PPM1H: variants seen among roughly 807,000 people sequenced by gnomAD.
PPM1H encodes protein phosphatase, Mg2+/Mn2+ dependent 1H, also known as protein phosphatase 1H.
PPM1H carries 27 observed loss-of-function variants against 54.9 expected under a neutral mutation model. The observed-to-expected ratio is 0.49, with a 90% CI of 0.36 to 0.68. The LOEUF is 0.68. Ranked by LOEUF, PPM1H falls within the 30% of genes least tolerant of loss-of-function variation. The pLI, the probability that PPM1H is intolerant of heterozygous loss-of-function variation, is 0.00. For missense variants in PPM1H, 596 were observed against 667.8 expected (o/e 0.89, Z 1.19); for synonymous variants, 305 against 270.8 (o/e 1.13, Z -1.24).
Position 62,913,767 on chromosome 12 carries a change from C to T in PPM1H, c.245+20725G>A, listed in dbSNP as rs557416137. Reference sequence around the variant, plus strand: ...CCAGGCTGGCGTGCAGTGGTTTAATCTCGGCTCACTGCAACCTCCGCCTCC... The same window carrying T: ...CCAGGCTGGCGTGCAGTGGTTTAATTTCGGCTCACTGCAACCTCCGCCTCC... On this transcript the variant is annotated intron_variant, in intron 1 of 9. Transcript: ENST00000228705. Among the ~76,000 whole-genome samples, 197 of 152,248 alleles carry T rather than the reference C, an allele frequency of 1.3e-3. 2 individuals are homozygous for T. Among genetic ancestry groups the T allele is most frequent in the African/African-American group, 4.6e-3 (190 of 41,544 alleles).
At chr12:62,749,253 T>G (rs1475313856) in intron 4 of PPM1H, among the ~76,000 whole-genome samples, 1 of 152,114 alleles carries the variant, frequency 6.6e-6, no homozygotes, top group Admixed American at 6.5e-5. Context: ...ATGCCCTGAT[T>G]CCATTACACA....
intron 1 of PPM1H, among the ~76,000 whole-genome samples, chr12:62,865,185 C>G (rs1461024630): frequency 6.6e-6 from 1 of 152,156 alleles, no homozygotes; most frequent in East Asian, 1.9e-4. Context: ...AAGAAGGTGT[C>G]CTTTCATTTT....
At chr12:62,767,231 C>CATAA (rs2076549413) in intron 4 of PPM1H, among the ~76,000 whole-genome samples, 1 of 152,022 alleles carries the variant, frequency 6.6e-6, no homozygotes, top group Non-Finnish European at 1.5e-5. Context: ...GCTGTAGGTG[C>CATAA]ATAAGATGGC....
At chr12:62,832,814 T>G (rs1239729618) in intron 1 of PPM1H, among the ~76,000 whole-genome samples, 1 of 152,082 alleles carries the variant, frequency 6.6e-6, no homozygotes, top group East Asian at 1.9e-4. Flanking sequence ...GGCAAGCAAA[T>G]GGGTCAAAGG....
chr12:62,816,312 C>T (rs1013111467), intron 2 of PPM1H, among the ~76,000 whole-genome samples: 1 of 152,200 alleles, frequency 6.6e-6, no homozygotes, highest in Non-Finnish European at 1.5e-5. Flanking sequence ...AGTTTGGGCA[C>T]TCCTAATCCA....
At chr12:62,870,890 T>A (rs568866848) in intron 1 of PPM1H, among the ~76,000 whole-genome samples, 3 of 152,160 alleles carry the variant, frequency 2.0e-5, no homozygotes, top group Non-Finnish European at 4.4e-5. Context: ...CTGGGCTGGG[T>A]ATTATAAAAA....
At chr12:62,695,660 G>T (rs929523225) in intron 6 of PPM1H, among the ~76,000 whole-genome samples, 4 of 152,098 alleles carry the variant, frequency 2.6e-5, no homozygotes, top group Non-Finnish European at 5.9e-5. Flanking sequence ...GCTATTATTA[G>T]AAGAATTTGG....
chr12:62,901,082 G>A (rs1389261145), intron 1 of PPM1H, among the ~76,000 whole-genome samples: 2 of 152,136 alleles, frequency 1.3e-5, no homozygotes, highest in African/African-American at 4.8e-5. Context: ...CCATGTAGCC[G>A]GATACATTTT....
At chr12:62,746,489 G>C (rs1324879819) in intron 4 of PPM1H, among the ~76,000 whole-genome samples, 2 of 152,214 alleles carry the variant, frequency 1.3e-5, no homozygotes, top group African/African-American at 2.4e-5. Flanking sequence ...CTACCACCAC[G>C]GACTGCCAGA....
intron 5 of PPM1H, among the ~76,000 whole-genome samples, chr12:62,730,793 A>G (rs1265242651): frequency 1.3e-5 from 2 of 152,232 alleles, no homozygotes; most frequent in Non-Finnish European, 2.9e-5. Context: ...TCAAGAATGA[A>G]ATGAAATTAA....
At chr12:62,788,377 A>G (rs983456011) in intron 3 of PPM1H, 39 bp from the exon 4 acceptor site, 1 of 1,282,806 alleles carries the variant, frequency 7.8e-7, no homozygotes, top group Admixed American at 2.0e-5. Context: ...ATTGTGCAGG[A>G]TGTGTAGCAA....
intron 4 of PPM1H, among the ~76,000 whole-genome samples, chr12:62,763,524 A>G (rs765437438): frequency 1.3e-5 from 2 of 152,218 alleles, no homozygotes; most frequent in Non-Finnish European, 2.9e-5. Context: ...TCAAAGTACA[A>G]CACAAATTGC....
chr12:62,887,075 A>G (rs1308662790), intron 1 of PPM1H, among the ~76,000 whole-genome samples: 2 of 152,244 alleles, frequency 1.3e-5, no homozygotes, highest in African/African-American at 4.8e-5. Flanking sequence ...AAGAAGCTGT[A>G]TACAAGGACT....
At position 62,934,331 on chromosome 12, in the gene PPM1H, G is replaced by C. The variant is rs546899323; in HGVS notation, c.245+161C>G. On this transcript the variant is annotated intron_variant, in intron 1 of 9. Coordinates refer to ENST00000228705, the MANE Select transcript of PPM1H (RefSeq NM_020700.2). The surrounding 1 kb of genome is among the most constrained non-coding windows in gnomAD (Gnocchi z 4.2). The stretch of plus-strand genomic sequence containing the variant: ...CTGGGGGAAGAGGGAGTGGGGAGAA[G>C]AGGGAAATGGCCAGTGTAAGTAAAG... Among the ~76,000 whole-genome samples the C allele has an allele frequency of 6.6e-5, 10 of 152,330 alleles. No homozygotes were observed. Among genetic ancestry groups the C allele is most frequent in the African/African-American group, 2.4e-4 (10 of 41,578 alleles).
intron 6 of PPM1H, among the ~76,000 whole-genome samples, chr12:62,704,199 C>T (rs1046093088): frequency 6.6e-6 from 1 of 152,130 alleles, no homozygotes; most frequent in Non-Finnish European, 1.5e-5. Context: ...TGCTTAACAA[C>T]AGCAGGCTCA....
intron 6 of PPM1H, among the ~76,000 whole-genome samples, chr12:62,696,965 T>A (rs2120360142): frequency 6.6e-6 from 1 of 152,288 alleles, no homozygotes; most frequent in Admixed American, 6.5e-5. Flanking sequence ...GGTGACCAGC[T>A]GATATCTGAT....
At position 62,801,907 on chromosome 12, in the gene PPM1H, G is replaced by A; in HGVS notation, c.665C>T (p.Pro222Leu). ...LRGGVGAPGS[P>L]STPPTRFFTE... is the part of the protein sequence containing the mutation. ...AAAGAAGCGTGTGGGGGGCGTGCTG[G>A]GGGAGCCCGGGGCCCCCACCCCTCC... Residue 222 changes from proline to leucine, a missense_variant, in exon 3 of 10, where the codon CCC (proline) becomes CTC (leucine). This residue lies in a region of PPM1H where 382 missense variants were observed against 387.1 expected (regional missense o/e 0.99). Transcript: ENST00000228705. The A allele has an allele frequency of 6.2e-7, 1 of 1,613,588 alleles. No homozygotes were observed. Among genetic ancestry groups the A allele is most frequent in the East Asian group, 2.2e-5 (1 of 44,852 alleles).
intron 2 of PPM1H, among the ~76,000 whole-genome samples, chr12:62,817,152 T>TAAAAAAAAAAAAAAAAAAAAA (rs2076873724): frequency 1.6e-5 from 1 of 63,140 alleles, no homozygotes; most frequent in Non-Finnish European, 2.9e-5. Context: ...AAAAAAAAAC[T>TAAAAAAAAAAAAAAAAAAAAA]AAAAAAAAGA....
intron 9 of PPM1H, among the ~76,000 whole-genome samples, chr12:62,659,402 G>A (rs1016733324): frequency 1.3e-5 from 2 of 151,954 alleles, no homozygotes; most frequent in Non-Finnish European, 2.9e-5. Flanking sequence ...AGATACACCA[G>A]GGTCAGAAAG....
Sources: gnomAD v4.1 joint callset for allele counts (sites outside exome capture counted in the v4.1 genomes callset) on GRCh38, gnomAD v4.1.1 for gene constraint, gnomAD v4.1.1 regional missense constraint, Gnocchi (gnomAD v3.1) non-coding constraint, MANE v1.5 for transcripts, NCBI Gene and HGNC (gene_info 2026-07-23, HGNC 2026-07-21) for gene names.